Variants in RGS6 observed in about 807,000 individuals in gnomAD.
RGS6 encodes the protein regulator of G-protein signaling 6.
RGS6 carries 30 observed loss-of-function variants against 78.5 expected under a neutral mutation model. That is an observed-to-expected ratio of 0.38 (90% CI 0.29 to 0.52). RGS6 has a LOEUF of 0.52. Ranked by LOEUF, RGS6 falls within the 20% of genes least tolerant of loss-of-function variation. The pLI is 0.85. For synonymous variants in RGS6, 206 were observed against 206.0 expected (o/e 1.00, Z 0.00); for missense variants, 495 against 609.7 (o/e 0.81, Z 1.98).
At chr14:72,014,323 G>A (rs1259449194) in intron 2 of RGS6, among the ~76,000 whole-genome samples, 1 of 152,208 alleles carries the variant, frequency 6.6e-6, no homozygotes, top group Non-Finnish European at 1.5e-5. Flanking sequence ...GTGACCTTGG[G>A]ATAGATAGAA....
intron 3 of RGS6, among the ~76,000 whole-genome samples, chr14:72,369,981 G>A (rs2083161347): frequency 6.6e-6 from 1 of 151,926 alleles, no homozygotes; most frequent in African/African-American, 2.4e-5. Context: ...TTTTTCTCCA[G>A]TAAGAGCTTT....
chr14:72,386,398 C>G (rs530801204), intron 3 of RGS6, among the ~76,000 whole-genome samples: 1 of 152,126 alleles, frequency 6.6e-6, no homozygotes, highest in Admixed American at 6.5e-5. Context: ...ATTAGCCAGG[C>G]ATGGTTTTGC....
chr14:72,344,947 C>G (rs1382222307), intron 2 of RGS6, among the ~76,000 whole-genome samples: 2 of 152,160 alleles, frequency 1.3e-5, no homozygotes, highest in African/African-American at 4.8e-5. Flanking sequence ...GACAGTGTTA[C>G]ATGGTTAACC....
At chr14:72,586,637 C>T in the RGS6 span, among the ~76,000 whole-genome samples, 1 of 152,190 alleles carries the variant, frequency 6.6e-6, no homozygotes, top group Non-Finnish European at 1.5e-5. Flanking sequence ...TCTCCACCCT[C>T]TCTGACCTTT....
At chr14:72,593,558 T>G in the RGS6 span, among the ~76,000 whole-genome samples, 2 of 152,256 alleles carry the variant, frequency 1.3e-5, no homozygotes, top group African/African-American at 4.8e-5. Flanking sequence ...CTAATTTTTC[T>G]GTATTTTTAG....
chr14:72,161,183 A>C (rs570834712), intron 2 of RGS6, among the ~76,000 whole-genome samples: 2 of 152,196 alleles, frequency 1.3e-5, no homozygotes, highest in African/African-American at 4.8e-5. Flanking sequence ...TAAGTTGAAC[A>C]ATGAGAACAC....
chr14:72,031,771 C>T (rs958643567), intron 2 of RGS6, among the ~76,000 whole-genome samples: 22 of 152,176 alleles, frequency 1.4e-4, no homozygotes, highest in Non-Finnish European at 2.6e-4. Flanking sequence ...GGTGGGCAAG[C>T]GCAATCCTGT....
At chr14:72,157,715 T>G (rs1192424350) in intron 2 of RGS6, among the ~76,000 whole-genome samples, 1 of 152,170 alleles carries the variant, frequency 6.6e-6, no homozygotes, top group Admixed American at 6.5e-5. Context: ...AAAATGCACT[T>G]GGCAGTCATG....
At chr14:72,619,220 A>C in the RGS6 span, 3 of 1,403,104 alleles carry the variant, frequency 2.1e-6, no homozygotes, top group Non-Finnish European at 2.9e-6. Context: ...GATATGTGGG[A>C]GGAGGGCGCG....
At position 72,270,471 on chromosome 14, in the gene RGS6, G is replaced by A. The variant is rs1267792824; in HGVS notation, c.85-81624G>A. ...AGCCTTTCAGATGTCACCTGAGGAC[G>A]TTGCTACAATTAACATGCAGCCAGA... On this transcript the variant is annotated intron_variant, in intron 2 of 17. Transcript: ENST00000553525. 3.3e-5 allele frequency among the ~76,000 whole-genome samples: 5 copies of A among 152,366 alleles called. No individual in the cohort carries two copies. In the South Asian group the frequency reaches 6.2e-4, roughly 19 times the overall value.
intron 3 of RGS6, among the ~76,000 whole-genome samples, chr14:72,395,297 T>G (rs185241264): frequency 1.3e-5 from 2 of 152,200 alleles, no homozygotes; most frequent in Non-Finnish European, 2.9e-5. Flanking sequence ...TTTCATACTC[T>G]TTCAAAGATT....
chr14:71,998,587 C>T (rs892128402), intron 2 of RGS6, among the ~76,000 whole-genome samples: 6 of 152,312 alleles, frequency 3.9e-5, no homozygotes, highest in African/African-American at 4.8e-5. Context: ...AATCTGTTTT[C>T]GTGACCTGCC....
chr14:71,977,836 C>T (rs1201770949), intron 2 of RGS6, among the ~76,000 whole-genome samples: 1 of 152,078 alleles, frequency 6.6e-6, no homozygotes, highest in Non-Finnish European at 1.5e-5. Context: ...GGCATTGAAT[C>T]TATAAATTAC....
At chr14:72,351,990 T>C (rs1261404834) in intron 2 of RGS6, 105 bp from the exon 3 acceptor site, 6 of 765,812 alleles carry the variant, frequency 7.8e-6, no homozygotes, top group South Asian at 1.9e-5. Context: ...TTTTGTGATA[T>C]CTATTGTTGA....
chr14:72,280,425 G>A (rs1274861235), intron 2 of RGS6, among the ~76,000 whole-genome samples: 1 of 152,178 alleles, frequency 6.6e-6, no homozygotes, highest in African/African-American at 2.4e-5. Context: ...TACAGAAAAT[G>A]TATGTCTCAG....
chr14:72,535,922 C>T (rs1301053704), intron 15 of RGS6, among the ~76,000 whole-genome samples: 1 of 152,258 alleles, frequency 6.6e-6, no homozygotes, highest in East Asian at 1.9e-4. Flanking sequence ...TTAAGCACCC[C>T]AACATGGCAC....
intron 2 of RGS6, among the ~76,000 whole-genome samples, chr14:72,343,311 G>A (rs973193554): frequency 1.8e-4 from 27 of 152,100 alleles, no homozygotes; most frequent in African/African-American, 6.5e-4. Flanking sequence ...TCCTTGGCTT[G>A]TGGCCCCTTC....
the RGS6 span, among the ~76,000 whole-genome samples, chr14:71,877,040 G>A: frequency 6.6e-6 from 1 of 152,202 alleles, no homozygotes; most frequent in East Asian, 1.9e-4. Context: ...TCTGCCAAGA[G>A]GTCCGCTGTT....
intron 3 of RGS6, among the ~76,000 whole-genome samples, chr14:72,362,042 G>C (rs575315950): frequency 5.9e-5 from 9 of 152,328 alleles, no homozygotes; most frequent in African/African-American, 2.2e-4. Flanking sequence ...ATGAGTCCAA[G>C]AGGGCAAGTG....
Sources: gnomAD v4.1 joint callset for allele counts (sites outside exome capture counted in the v4.1 genomes callset) on GRCh38, gnomAD v4.1.1 for gene constraint, MANE v1.5 for transcripts, NCBI Gene and HGNC (gene_info 2026-07-23, HGNC 2026-07-21) for gene names.